Variants in MPP7 observed in about 807,000 individuals in gnomAD.
MPP7 encodes MAGUK p55 subfamily member 7.
In MPP7, 60 loss-of-function variants were observed where a neutral mutation model predicts 76.5. That is an observed-to-expected ratio of 0.78 (90% CI 0.64 to 0.97). The LOEUF (loss-of-function observed/expected upper bound fraction) is 0.97, where lower values mean the gene tolerates loss of function less well. MPP7 is among the 50% of genes least tolerant of loss of function. MPP7 has a pLI of 0.00. For missense variants in MPP7, 641 were observed against 694.0 expected (o/e 0.92, Z 0.86); for synonymous variants, 237 against 244.5 (o/e 0.97, Z 0.29).
intron 11 of MPP7, among the ~76,000 whole-genome samples, chr10:28,114,091 C>T (rs565507374): frequency 6.6e-6 from 1 of 152,258 alleles, no homozygotes; most frequent in Non-Finnish European, 1.5e-5. Flanking sequence ...AGAAAAGTGA[C>T]AAAGGGGAGG....
At chr10:28,257,982 G>A (rs1489047372) in intron 1 of MPP7, among the ~76,000 whole-genome samples, 1 of 151,950 alleles carries the variant, frequency 6.6e-6, no homozygotes, top group Admixed American at 6.6e-5. Flanking sequence ...TCTAGGTAAG[G>A]TATTACAGTC....
At chr10:28,205,721 T>C (rs553405983) in intron 2 of MPP7, among the ~76,000 whole-genome samples, 63 of 152,236 alleles carry the variant, frequency 4.1e-4, no homozygotes, top group African/African-American at 1.3e-3. Context: ...AGGGAAGTGG[T>C]CAATTCCTGC....
chr10:28,157,336 G>C (rs1836100414), intron 3 of MPP7, among the ~76,000 whole-genome samples: 1 of 152,196 alleles, frequency 6.6e-6, no homozygotes, highest in Non-Finnish European at 1.5e-5. Context: ...GGAATCCAAA[G>C]ACCCTCTGCC....
intron 2 of MPP7, among the ~76,000 whole-genome samples, chr10:28,225,373 A>C (rs12245970): frequency 0.021 from 3,152 of 152,322 alleles, 117 homozygotes; most frequent in African/African-American, 0.069. Context: ...TTATCAAAAA[A>C]AGTGAAAAGA....
intron 1 of MPP7, among the ~76,000 whole-genome samples, chr10:28,258,384 A>T (rs1036683598): frequency 3.6e-4 from 31 of 86,502 alleles, no homozygotes; most frequent in African/African-American, 1.1e-3. Context: ...ATTAAATATT[A>T]TATATATATA....
intron 5 of MPP7, among the ~76,000 whole-genome samples, chr10:28,141,318 C>A (rs1737730902): frequency 6.6e-6 from 1 of 151,784 alleles, no homozygotes; most frequent in South Asian, 2.1e-4. Flanking sequence ...TACAGAAAAA[C>A]AAAAGCATAT....
chr10:28,292,612 T>C (rs1840947175), intron 1 of MPP7, among the ~76,000 whole-genome samples: 1 of 152,234 alleles, frequency 6.6e-6, no homozygotes, highest in South Asian at 2.1e-4. Flanking sequence ...CTGTGGTCAA[T>C]GGGACATATT....
chr10:28,180,995 A>G (rs1013635476), intron 3 of MPP7, among the ~76,000 whole-genome samples: 3 of 152,218 alleles, frequency 2.0e-5, no homozygotes, highest in African/African-American at 4.8e-5. Context: ...TGGATGGATG[A>G]ATGGATGGAC....
chr10:28,053,373 A>G lies in MPP7; in HGVS notation c.*692T>C, dbSNP rs1427405095. 6.6e-6 allele frequency: 1 copy of G among 152,012 alleles called. No homozygotes were observed. Among genetic ancestry groups the G allele is most frequent in the Non-Finnish European group, 1.5e-5 (1 of 68,038 alleles). The allele number at this position is 152,012 out of a possible 1,614,324, so 9.4% of individuals were successfully genotyped here. On this transcript the variant is annotated 3_prime_UTR_variant, in exon 17 of 17. Coordinates refer to ENST00000683449, the MANE Select transcript of MPP7 (RefSeq NM_001318170.2). Reference sequence around the variant, plus strand: ...CCAAAGGAAAGGCTTTTCGTTACATATATAATAACTGTTAAAAGTCTACTT... The same window carrying G: ...CCAAAGGAAAGGCTTTTCGTTACATGTATAATAACTGTTAAAAGTCTACTT...
intron 3 of MPP7, among the ~76,000 whole-genome samples, chr10:28,162,025 C>A (rs1217273188): frequency 6.6e-6 from 1 of 152,188 alleles, no homozygotes; most frequent in Non-Finnish European, 1.5e-5. Flanking sequence ...GAATTCAAAT[C>A]TGTCAAATTC....
intron 1 of MPP7, among the ~76,000 whole-genome samples, chr10:28,239,207 C>T (rs180827420): frequency 1.3e-5 from 2 of 150,812 alleles, no homozygotes; most frequent in Non-Finnish European, 3.0e-5. Flanking sequence ...TGCAATGGTG[C>T]GATCTGGGCT....
chr10:28,074,151 A>T (rs1852372689), intron 12 of MPP7, among the ~76,000 whole-genome samples: 1 of 152,166 alleles, frequency 6.6e-6, no homozygotes, highest in Non-Finnish European at 1.5e-5. Context: ...CAAATAAAAC[A>T]TTTAGTGTTG....
At position 28,283,905 on chromosome 10, in the gene MPP7, C is replaced by A. The variant is rs77509255; in HGVS notation, c.-132+18956G>T. On this transcript the variant is annotated intron_variant, in intron 1 of 16. Coordinates refer to ENST00000683449, the MANE Select transcript of MPP7 (RefSeq NM_001318170.2). ...TTGCCATATCATACACAGCCTGTCC[C>A]AAAGGATACTTTTAGCTCCATATGC... Among the ~76,000 whole-genome samples, 717 of 152,214 alleles carry A rather than the reference C, an allele frequency of 4.7e-3. 7 individuals carry two copies. Among genetic ancestry groups the A allele is most frequent in the African/African-American group, 0.016 (650 of 41,524 alleles).
intron 2 of MPP7, among the ~76,000 whole-genome samples, chr10:28,323,811 G>A (rs1834387850): frequency 6.6e-6 from 1 of 152,134 alleles, no homozygotes. Flanking sequence ...TTTGGATGCC[G>A]GGTGACTGAA....
At chr10:28,314,113 C>T (rs1841306111) in intron 2 of MPP7, among the ~76,000 whole-genome samples, 1 of 152,040 alleles carries the variant, frequency 6.6e-6, no homozygotes, top group Admixed American at 6.6e-5. Context: ...TTCTTAGGTT[C>T]TATCAATATT....
At chr10:28,167,632 ATAAG>A (rs1291788427) in intron 3 of MPP7, among the ~76,000 whole-genome samples, 1 of 152,182 alleles carries the variant, frequency 6.6e-6, no homozygotes, top group African/African-American at 2.4e-5. Context: ...TAAAAAATAA[ATAAG>A]TACTTGGCTG....
intron 12 of MPP7, among the ~76,000 whole-genome samples, chr10:28,077,240 A>C (rs1397554097): frequency 6.6e-6 from 1 of 152,166 alleles, no homozygotes; most frequent in Non-Finnish European, 1.5e-5. Flanking sequence ...TAACCCTTAC[A>C]AGCAAGCTCA....
chr10:28,103,840 A>C (rs903228084), intron 11 of MPP7, among the ~76,000 whole-genome samples: 1 of 152,086 alleles, frequency 6.6e-6, no homozygotes, highest in Non-Finnish European at 1.5e-5. Context: ...TTCTCTCTCG[A>C]GAGAAGCCAT....
intron 3 of MPP7, among the ~76,000 whole-genome samples, chr10:28,163,064 A>G (rs1258839290): frequency 6.6e-6 from 1 of 152,166 alleles, no homozygotes; most frequent in East Asian, 1.9e-4. Flanking sequence ...AAGGTGACAC[A>G]GTCATAGGGT....
Sources: gnomAD v4.1 joint callset for allele counts (sites outside exome capture counted in the v4.1 genomes callset) on GRCh38, gnomAD v4.1.1 for gene constraint, MANE v1.5 for transcripts, NCBI Gene and HGNC (gene_info 2026-07-23, HGNC 2026-07-21) for gene names.